Variants in FOXN3 observed in about 807,000 individuals in gnomAD.
The protein encoded by FOXN3 is forkhead box N3.
A neutral mutation model predicts 38.4 loss-of-function variants in FOXN3; 7 were observed. That is an observed-to-expected ratio of 0.18 (90% CI 0.10 to 0.34). FOXN3 has a LOEUF of 0.34. Among genes scored for constraint, FOXN3 ranks in the 10% least tolerant of loss-of-function variants. FOXN3 has a pLI of 1.00. For missense variants in FOXN3, 456 were observed against 613.4 expected (o/e 0.74, Z 2.71); for synonymous variants, 230 against 242.2 (o/e 0.95, Z 0.47).
In FOXN3 at chr14:89,388,911, C is replaced by T. The variant is rs541922895; in HGVS notation, c.543+23023G>A. On this transcript the variant is annotated intron_variant, in intron 2 of 5. Coordinates refer to ENST00000557258, the MANE Select transcript of FOXN3 (RefSeq NM_005197.4). ...GCAGAGCACAGGCCCCGCACTGTGA[C>T]ACCAGGCAGAGTTCAGCAAGGGATC... Among the ~76,000 whole-genome samples, 3 of 152,168 alleles carry T rather than the reference C, an allele frequency of 2.0e-5. No homozygotes were observed. In the East Asian group the frequency reaches 5.8e-4, roughly 30 times the overall value.
intron 4 of FOXN3, chr14:89,263,560 T>C (rs1309644798): frequency 6.6e-6 from 1 of 152,256 alleles, no homozygotes; most frequent in African/African-American, 2.4e-5. Context: ...ACCACTTGAT[T>C]TGATAAAATC....
intron 1 of FOXN3, among the ~76,000 whole-genome samples, chr14:89,468,672 A>G (rs4904584): frequency 0.81 from 122,988 of 152,072 alleles, 51,722 homozygotes; most frequent in East Asian, 0.96. Context: ...TACTCCTGTT[A>G]TATCTTCGTA....
At chr14:89,512,347 G>A (rs1192643518) in intron 1 of FOXN3, among the ~76,000 whole-genome samples, 1 of 152,178 alleles carries the variant, frequency 6.6e-6, no homozygotes, top group Non-Finnish European at 1.5e-5. Context: ...TAGGGAGAGG[G>A]GCTTTATAGA....
At chr14:89,536,641 TGTG>T (rs1182902283) in intron 1 of FOXN3, among the ~76,000 whole-genome samples, 1 of 151,994 alleles carries the variant, frequency 6.6e-6, no homozygotes, top group Non-Finnish European at 1.5e-5. Flanking sequence ...ATTATTGTAT[TGTG>T]GTGCATGCCT....
intron 1 of FOXN3, among the ~76,000 whole-genome samples, chr14:89,469,713 A>G (rs1266411195): frequency 1.3e-5 from 2 of 152,106 alleles, no homozygotes; most frequent in Non-Finnish European, 1.5e-5. Context: ...GGGGAGAGAG[A>G]GTGAGGTCTA....
intron 2 of FOXN3, among the ~76,000 whole-genome samples, chr14:89,366,055 T>A (rs1890133283): frequency 6.6e-6 from 1 of 152,010 alleles, no homozygotes; most frequent in Admixed American, 6.6e-5. Context: ...ATTGAGACCA[T>A]CCTGGCTAAC....
intron 4 of FOXN3, among the ~76,000 whole-genome samples, chr14:89,267,466 G>T (rs1204528293): frequency 6.6e-6 from 1 of 152,166 alleles, no homozygotes; most frequent in East Asian, 1.9e-4. Flanking sequence ...CTGGCTGGGG[G>T]AGGGGAAATG....
At chr14:89,413,286 G>C (rs528611758) in intron 1 of FOXN3, among the ~76,000 whole-genome samples, 1 of 152,084 alleles carries the variant, frequency 6.6e-6, no homozygotes, top group African/African-American at 2.4e-5. Context: ...AAAACTGTTA[G>C]GTTTTAATTC....
At chr14:89,191,313 CAT>C (rs1887934794) in intron 4 of FOXN3, among the ~76,000 whole-genome samples, 2 of 152,228 alleles carry the variant, frequency 1.3e-5, no homozygotes, top group Non-Finnish European at 2.9e-5. Flanking sequence ...CTGAAAAGAA[CAT>C]CTGCCCCAGC....
intron 2 of FOXN3, among the ~76,000 whole-genome samples, chr14:89,410,999 G>A (rs1251578087): frequency 6.6e-6 from 1 of 152,216 alleles, no homozygotes; most frequent in Non-Finnish European, 1.5e-5. Flanking sequence ...TCCCCAACCT[G>A]GGGCCATGTA....
At chr14:89,265,889 T>C (rs973895985) in intron 4 of FOXN3, among the ~76,000 whole-genome samples, 1 of 152,210 alleles carries the variant, frequency 6.6e-6, no homozygotes, top group African/African-American at 2.4e-5. Flanking sequence ...TCTTAGTTGA[T>C]GATGACATTC....
intron 3 of FOXN3, among the ~76,000 whole-genome samples, chr14:89,318,350 A>G (rs939458359): frequency 1.6e-4 from 25 of 151,580 alleles, no homozygotes; most frequent in African/African-American, 6.1e-4. Flanking sequence ...GTAGAGATGG[A>G]GTTTCACCAT....
Position 89,416,859 on chromosome 14 carries a change from G to A in FOXN3, c.-15+12C>T, listed in dbSNP as rs1188122018. The A allele has an allele frequency of 6.6e-6, 1 of 152,024 alleles. No homozygotes were observed. The highest frequency in any genetic ancestry group is 1.5e-5 in the Non-Finnish European group (1 of 67,970). The allele number at this position is 152,024 out of a possible 1,614,324, so 9.4% of individuals were successfully genotyped here. ...CCACGCGGGAGCCGGCAGGAGCGGG[G>A]TGCAAACTCACCTGGCCGGAGCGGG... On this transcript the variant is annotated intron_variant, in intron 1 of 5. Transcript: ENST00000557258.
chr14:89,404,419 G>A (rs1434420396), intron 2 of FOXN3, among the ~76,000 whole-genome samples: 2 of 143,170 alleles, frequency 1.4e-5, no homozygotes, highest in African/African-American at 2.6e-5. Flanking sequence ...CAGGAGAATC[G>A]CTTGAACCTG....
chr14:89,232,643 G>A (rs1043344191), intron 4 of FOXN3, among the ~76,000 whole-genome samples: 1 of 152,140 alleles, frequency 6.6e-6, no homozygotes, highest in Non-Finnish European at 1.5e-5. Context: ...ACTCACCATC[G>A]ACAAGTCCTC....
In FOXN3 at chr14:89,412,423, G is replaced by A. The variant is rs1891567929; in HGVS notation, c.54C>T (p.Val18=). The A allele has an allele frequency of 1.2e-6, 2 of 1,613,908 alleles. No individual in the cohort carries two copies. The highest frequency in any genetic ancestry group is 1.7e-6 in the Non-Finnish European group (2 of 1,179,860). ...CGTAACACTGACTCAGTCCACTGGA[G>A]ACACTAATTCCTGAGCTTTCTGGCT... The part of the protein sequence containing the change: ...SKKPESSGIS[V]SSGLSQCYGG... The change falls in exon 2 of 6, where the codon GTC becomes GTT. Residue 18 remains valine, a synonymous_variant. Coordinates refer to ENST00000557258, the MANE Select transcript of FOXN3 (RefSeq NM_005197.4). The surrounding 1 kb of genome is among the most constrained non-coding windows in gnomAD (Gnocchi z 4.7).
At chr14:89,441,467 C>T (rs184007197) in intron 1 of FOXN3, among the ~76,000 whole-genome samples, 28 of 152,328 alleles carry the variant, frequency 1.8e-4, no homozygotes, top group Admixed American at 9.2e-4. Flanking sequence ...AAGAGGAACA[C>T]AGGGAACCAA....
At chr14:89,377,052 A>AAAAAAAAAC (rs1890502324) in intron 2 of FOXN3, among the ~76,000 whole-genome samples, 1 of 136,576 alleles carries the variant, frequency 7.3e-6, no homozygotes, top group Non-Finnish European at 1.6e-5. Context: ...AAAAAAAAAA[A>AAAAAAAAAC]AAGCTTGAGC....
chr14:89,592,276 T>G (rs530562946), intron 1 of FOXN3, among the ~76,000 whole-genome samples: 107 of 152,210 alleles, frequency 7.0e-4, no homozygotes, highest in African/African-American at 1.0e-3. Context: ...GATAATTTTT[T>G]GGGGGGAGAA....
Sources: gnomAD v4.1 joint callset for allele counts (sites outside exome capture counted in the v4.1 genomes callset) on GRCh38, gnomAD v4.1.1 for gene constraint, Gnocchi (gnomAD v3.1) non-coding constraint, MANE v1.5 for transcripts, NCBI Gene and HGNC (gene_info 2026-07-23, HGNC 2026-07-21) for gene names.